CLVS1: variants seen among roughly 807,000 people sequenced by gnomAD.
The protein encoded by CLVS1 is clavesin 1, also known as clavesin-1.
Under a neutral mutation model 33.1 loss-of-function variants are expected in CLVS1, and 10 were observed. The observed-to-expected ratio is 0.30, with a 90% confidence interval of 0.19 to 0.51. CLVS1 has a LOEUF of 0.51. Among genes scored for constraint, CLVS1 ranks in the 20% least tolerant of loss-of-function variants. CLVS1 has a pLI of 0.97. For synonymous variants in CLVS1, 163 were observed against 166.1 expected (o/e 0.98, Z 0.14); for missense variants, 343 against 433.4 (o/e 0.79, Z 1.85).
intron 2 of CLVS1, among the ~76,000 whole-genome samples, chr8:61,306,261 T>C (rs1810623025): frequency 6.6e-6 from 1 of 152,194 alleles, no homozygotes; most frequent in African/African-American, 2.4e-5. Context: ...TCACTGTGGT[T>C]TTGATTTGCA....
chr8:61,236,073 G>A (rs185146853), intron 2 of CLVS1, among the ~76,000 whole-genome samples: 28 of 152,284 alleles, frequency 1.8e-4, no homozygotes, highest in African/African-American at 6.3e-4. Flanking sequence ...TGGTGAGAAA[G>A]CAAAGTCTGC....
chr8:61,077,977 G>T (rs1563394125), intron 1 of CLVS1, among the ~76,000 whole-genome samples: 1 of 152,202 alleles, frequency 6.6e-6, no homozygotes, highest in Non-Finnish European at 1.5e-5. Flanking sequence ...GAGCTGGCTT[G>T]ACTTGGGATC....
At chr8:61,341,227 G>A (rs889698459) in intron 2 of CLVS1, among the ~76,000 whole-genome samples, 2 of 152,126 alleles carry the variant, frequency 1.3e-5, no homozygotes, top group Non-Finnish European at 2.9e-5. Context: ...TCACATGTTG[G>A]TAAGTCCGTC....
chr8:61,434,777 T>C (rs879628677), intron 3 of CLVS1, among the ~76,000 whole-genome samples: 4 of 152,094 alleles, frequency 2.6e-5, no homozygotes, highest in Non-Finnish European at 2.9e-5. Flanking sequence ...AGAGCACAGG[T>C]TGTAAACTGT....
intron 2 of CLVS1, among the ~76,000 whole-genome samples, chr8:61,222,581 G>A (rs189242635): frequency 1.3e-4 from 20 of 152,246 alleles, no homozygotes; most frequent in South Asian, 1.2e-3. Flanking sequence ...GTGCTGAGGC[G>A]TCTTTTACTT....
intron 1 of CLVS1, among the ~76,000 whole-genome samples, chr8:61,289,630 G>A (rs1809909014): frequency 6.6e-6 from 1 of 152,182 alleles, no homozygotes; most frequent in African/African-American, 2.4e-5. Context: ...TTAAACCAGA[G>A]CACAGAAAAG....
At chr8:61,084,606 G>C (rs1040680398) in intron 1 of CLVS1, among the ~76,000 whole-genome samples, 1 of 152,154 alleles carries the variant, frequency 6.6e-6, no homozygotes, top group African/African-American at 2.4e-5. Flanking sequence ...TCTGAGATGG[G>C]GGAAGACAAT....
chr8:61,097,639 A>T (rs1410100963), intron 1 of CLVS1, among the ~76,000 whole-genome samples: 2 of 152,230 alleles, frequency 1.3e-5, no homozygotes, highest in Non-Finnish European at 2.9e-5. Context: ...TGAGTCTCTC[A>T]TCTTGGCACC....
intron 2 of CLVS1, among the ~76,000 whole-genome samples, chr8:61,255,765 T>TA (rs1266725126): frequency 1.3e-5 from 2 of 152,130 alleles, no homozygotes; most frequent in Non-Finnish European, 2.9e-5. Context: ...TGCCATAATT[T>TA]AAAAAAACTC....
At chr8:61,244,825 T>C (rs1003677386) in intron 2 of CLVS1, among the ~76,000 whole-genome samples, 3 of 152,164 alleles carry the variant, frequency 2.0e-5, no homozygotes, top group Non-Finnish European at 2.9e-5. Context: ...TTTTAATCTT[T>C]TAAAATTTTT....
Position 61,246,417 on chromosome 8 carries a change from G to A in CLVS1, c.-151-53260G>A, listed in dbSNP as rs544908231. On this transcript the variant is annotated intron_variant, in intron 2 of 2. Coordinates refer to the CLVS1 transcript ENST00000522621. ...ACTCCTGACCTCAAGTGATACACCT[G>A]CCTCGGCCTCCCAAAGTGCTGGGAT... Among the ~76,000 whole-genome samples the A allele has an allele frequency of 1.7e-4, 25 of 151,504 alleles. No homozygotes were observed. In the South Asian group the frequency reaches 4.4e-3, roughly 27 times the overall value.
intron 2 of CLVS1, among the ~76,000 whole-genome samples, chr8:61,212,480 G>T (rs936048118): frequency 1.3e-5 from 2 of 152,152 alleles, no homozygotes; most frequent in Admixed American, 6.5e-5. Context: ...CTGCCCAGTT[G>T]GTCCCAAGAG....
chr8:61,140,343 C>T (rs962036126), intron 2 of CLVS1, among the ~76,000 whole-genome samples: 9 of 152,032 alleles, frequency 5.9e-5, no homozygotes, highest in Non-Finnish European at 1.2e-4. Flanking sequence ...AAATGAAAGC[C>T]GTCTCATTTG....
At chr8:61,206,290 GTCATTAA>G (rs1807838790) in intron 2 of CLVS1, among the ~76,000 whole-genome samples, 1 of 152,114 alleles carries the variant, frequency 6.6e-6, no homozygotes, top group African/African-American at 2.4e-5. Context: ...CCCCACTAAC[GTCATTAA>G]TCCAATGAGT....
the CLVS1 span, among the ~76,000 whole-genome samples, chr8:61,044,916 G>A: frequency 1.8e-4 from 28 of 152,202 alleles, no homozygotes; most frequent in African/African-American, 6.3e-4. Flanking sequence ...TGGTCCTAAA[G>A]TGTGATCTTT....
At chr8:61,072,550 C>T (rs529149644) in intron 1 of CLVS1, among the ~76,000 whole-genome samples, 15 of 152,218 alleles carry the variant, frequency 9.9e-5, no homozygotes, top group East Asian at 3.9e-4. Context: ...AGAAAAGCAA[C>T]GAAAGATGCA....
chr8:61,262,511 A>T (rs1356802779), intron 2 of CLVS1, among the ~76,000 whole-genome samples: 1 of 152,160 alleles, frequency 6.6e-6, no homozygotes, highest in African/African-American at 2.4e-5. Flanking sequence ...TCTCAAAAAA[A>T]AGTAGAGTCT....
chr8:61,395,328 A>T (rs1326142098), intron 3 of CLVS1, among the ~76,000 whole-genome samples: 1 of 152,226 alleles, frequency 6.6e-6, no homozygotes, highest in Non-Finnish European at 1.5e-5. Flanking sequence ...GAAAGGGGAA[A>T]GGTTGACCAA....
In CLVS1 at chr8:61,282,338, A is replaced by C. The variant is rs6990250; in HGVS notation, c.-151-17339A>C. ...GAGGTAGAGGGAAGAAGAGAAGAAG[A>C]AGCAGCTGGTAGAAGCAGGGGAAAT... is the stretch of plus-strand genomic sequence containing the variant. On this transcript the variant is annotated intron_variant, in intron 2 of 2. Coordinates refer to the CLVS1 transcript ENST00000522621. 3.6e-3 allele frequency among the ~76,000 whole-genome samples: 551 copies of C among 152,258 alleles called. 6 individuals carry two copies. Among genetic ancestry groups the C allele is most frequent in the African/African-American group, 0.012 (513 of 41,538 alleles).
Sources: gnomAD v4.1 joint callset for allele counts (sites outside exome capture counted in the v4.1 genomes callset) on GRCh38, gnomAD v4.1.1 for gene constraint, MANE v1.5 for transcripts, NCBI Gene and HGNC (gene_info 2026-07-23, HGNC 2026-07-21) for gene names.